PANX2: variants seen among roughly 807,000 people sequenced by gnomAD.
PANX2 encodes pannexin-2.
A neutral mutation model predicts 38.7 loss-of-function variants in PANX2; 30 were observed. The observed-to-expected ratio is 0.78, with a 90% CI of 0.58 to 1.05. The LOEUF (loss-of-function observed/expected upper bound fraction) is 1.05, where lower values mean the gene tolerates loss of function less well. Among genes scored for constraint, PANX2 ranks in the 50% least tolerant of loss-of-function variants. The pLI, the probability that PANX2 is intolerant of heterozygous loss-of-function variation, is 0.00. For synonymous variants in PANX2, 539 were observed against 472.1 expected (o/e 1.14, Z -1.84); for missense variants, 880 against 979.3 (o/e 0.90, Z 1.35).
In PANX2 at chr22:50,177,941, A is replaced by G; in HGVS notation, c.1229A>G (p.Asn410Ser). The part of the protein sequence containing the change: ...SGVQTVDPSA[N>S]PAEPDGAAEP... ...GTGCAGACCGTGGACCCCAGCGCCA[A>G]CCCCGCCGAGCCCGACGGCGCCGCC... The change falls in exon 2 of 3, where the codon AAC (asparagine) becomes AGC (serine). Residue 410 changes from asparagine (N) to serine (S), a missense_variant. This residue lies in a region of PANX2 where 445 missense variants were observed against 404.3 expected (regional missense o/e 1.10). Transcript: ENST00000395842. 1 of 1,530,720 alleles carries G rather than the reference A, an allele frequency of 6.5e-7. No individual in the cohort carries two copies. The highest frequency in any genetic ancestry group is 8.7e-7 in the Non-Finnish European group (1 of 1,143,430). 94.8% of individuals were successfully genotyped at this position (1,530,720 alleles called of 1,614,324 possible). A position where few individuals can be genotyped will look rare whatever the true frequency, so the allele number is the denominator to read the frequency against.
chr22:50,172,558 G>C (rs2063637994), intron 1 of PANX2, among the ~76,000 whole-genome samples: 1 of 151,506 alleles, frequency 6.6e-6, no homozygotes. Flanking sequence ...GCCCCCAGTA[G>C]CAGGGACCAC....
rs777730705 is a variant in PANX2, at chr22:50,177,492, G to T, written c.780G>T (p.Ala260=). ...ATQKQNEFTC[A]LGASPDGAAG... is the part of the protein sequence containing the mutation. ...AGAAGCAGAACGAGTTCACCTGCGC[G>T]CTGGGCGCGTCCCCGGACGGGGCGG... The change falls in exon 2 of 3, where the codon GCG becomes GCT. Residue 260 remains alanine (A), a synonymous_variant. Transcript: ENST00000395842. 8.1e-6 allele frequency: 13 copies of T among 1,609,188 alleles called. No individual in the cohort carries two copies. The South Asian group carries it at 1.1e-4, about 14-fold the overall frequency.
At chr22:50,172,459 T>A (rs2147057872) in intron 1 of PANX2, among the ~76,000 whole-genome samples, 1 of 152,036 alleles carries the variant, frequency 6.6e-6, no homozygotes, top group East Asian at 1.9e-4. Flanking sequence ...TGAGACAGAG[T>A]CTTGGTATGT....
chr22:50,170,794 C>A lies in PANX2; in HGVS notation c.64C>A (p.Arg22=), dbSNP rs866902344. 2.1e-6 allele frequency: 3 copies of A among 1,440,776 alleles called. No homozygotes were observed. The highest frequency in any genetic ancestry group is 2.2e-4 in the Middle Eastern group (1 of 4,604). 89.2% of individuals were successfully genotyped at this position (1,440,776 alleles called of 1,614,324 possible). ...ATALLAGEKL[R]ELILPGAQDD... ...CGCGCTGCTGGCGGGAGAGAAGCTG[C>A]GGGAGCTGATCCTGCCGGGCGCGCA... is the stretch of plus-strand genomic sequence containing the variant. The change falls in exon 1 of 3, where the codon CGG becomes AGG. Residue 22 remains arginine, a synonymous_variant. Coordinates refer to ENST00000395842, the MANE Select transcript of PANX2 (RefSeq NM_052839.4).
rs1434660914 is a variant in PANX2, at chr22:50,171,057, G to T, written c.226+101G>T. 5 of 479,128 alleles carry T rather than the reference G, an allele frequency of 1.0e-5. No homozygotes were observed. The East Asian group carries it at 1.6e-4, about 15-fold the overall frequency. 29.7% of individuals were successfully genotyped at this position (479,128 alleles called of 1,614,324 possible). A position where few individuals can be genotyped will look rare whatever the true frequency, so the allele number is the denominator to read the frequency against. On this transcript the variant is annotated intron_variant, in intron 1 of 2. Transcript: ENST00000395842. ...GTCCCCGGCGGCTCCGTCCAGCCGCGCCCACCGTGGCCTGGCTGCGTCCGC... is the reference window on the plus strand; with the variant it reads ...GTCCCCGGCGGCTCCGTCCAGCCGCTCCCACCGTGGCCTGGCTGCGTCCGC...
In PANX2 at chr22:50,179,644, C is replaced by T; in HGVS notation, c.*367C>T. 1 of 224,510 alleles carries T rather than the reference C, an allele frequency of 4.5e-6. No individual in the cohort carries two copies. The highest frequency in any genetic ancestry group is 1.4e-4 in the East Asian group (1 of 7,098). The allele number at this position is 224,510 out of a possible 1,614,324, so 13.9% of individuals were successfully genotyped here. On this transcript the variant is annotated 3_prime_UTR_variant, in exon 3 of 3. Transcript: ENST00000395842. ...CTGGCCCCGGGCTGTGGCGAGACAG[C>T]CCAACTCCCCCAGCCCAGCTCCCCC...
At position 50,177,808 on chromosome 22, in the gene PANX2, T is replaced by G; in HGVS notation, c.1096T>G (p.Phe366Val). The change falls in exon 2 of 3, where the codon TTC (phenylalanine) becomes GTC (valine). Residue 366 changes from phenylalanine to valine, a missense_variant. Phe to Val is a conservative substitution (Grantham distance 50). Around this residue, in one of 4 missense-constraint regions of PANX2, gnomAD observed 78 missense variants for 133.1 expected, o/e 0.59. Transcript: ENST00000395842. ...CATCAAGTCGCTCAACCGGCTGGAC[T>G]TCATCACCAACGAGAGCGACCTCAT... ...DHIKSLNRLDFITNESDLMYD... is the reference protein window; with the variant it reads ...DHIKSLNRLDVITNESDLMYD... The G allele has an allele frequency of 6.2e-7, 1 of 1,602,384 alleles. No homozygotes were observed. The highest frequency in any genetic ancestry group is 1.1e-5 in the South Asian group (1 of 91,066).
chr22:50,170,918 T>A lies in PANX2; in HGVS notation c.188T>A (p.Ile63Asn), dbSNP rs1323138523. 1.3e-6 allele frequency: 2 copies of A among 1,526,930 alleles called. No homozygotes were observed. Among genetic ancestry groups the A allele is most frequent in the Non-Finnish European group, 8.8e-7 (1 of 1,137,176 alleles). 94.6% of individuals were successfully genotyped at this position (1,526,930 alleles called of 1,614,324 possible). A position where few individuals can be genotyped will look rare whatever the true frequency, so the allele number is the denominator to read the frequency against. Residue 63 changes from isoleucine to asparagine, a missense_variant, in exon 1 of 3, where the codon ATC (isoleucine) becomes AAC (asparagine). By Grantham distance (149) the Ile-to-Asn change is moderately radical. Around this residue, in one of 4 missense-constraint regions of PANX2, gnomAD observed 243 missense variants for 333.1 expected, o/e 0.73. Coordinates refer to ENST00000395842, the MANE Select transcript of PANX2 (RefSeq NM_052839.4). Reference sequence around the variant, plus strand: ...ACCATCGGCACCGTGCTGGTGCCCATCCTGCTGGTCACCCTGGTCTTCACC... The same window carrying A: ...ACCATCGGCACCGTGCTGGTGCCCAACCTGCTGGTCACCCTGGTCTTCACC... ...VVTIGTVLVP[I>N]LLVTLVFTKN...
At chr22:50,173,521 T>G (rs2063645902) in intron 1 of PANX2, among the ~76,000 whole-genome samples, 1 of 152,254 alleles carries the variant, frequency 6.6e-6, no homozygotes, top group African/African-American at 2.4e-5. Flanking sequence ...TGCAGTACCC[T>G]CGAAGGTTGG....
Position 50,177,140 on chromosome 22 carries a change from A to G in PANX2, c.428A>G (p.Glu143Gly), listed in dbSNP as rs1335904296. 1 of 1,607,838 alleles carries G rather than the reference A, an allele frequency of 6.2e-7. No individual in the cohort carries two copies. ...AIMYVPALGW[E>G]FLASTRLTSE... ...ATGTACGTGCCCGCGCTGGGCTGGGAGTTCCTGGCCTCCACGCGCCTCACC... is the reference window on the plus strand; with the variant it reads ...ATGTACGTGCCCGCGCTGGGCTGGGGGTTCCTGGCCTCCACGCGCCTCACC... The change falls in exon 2 of 3, where the codon GAG becomes GGG. Residue 143 changes from glutamate (E) to glycine (G), a missense_variant. Coordinates refer to ENST00000395842, the MANE Select transcript of PANX2 (RefSeq NM_052839.4).
intron 1 of PANX2, among the ~76,000 whole-genome samples, chr22:50,171,464 G>A (rs116160291): frequency 6.6e-6 from 1 of 152,190 alleles, no homozygotes; most frequent in Non-Finnish European, 1.5e-5. Flanking sequence ...GCAGGGCGAG[G>A]CCTCTCCGGG....
chr22:50,178,287 G>A lies in PANX2; in HGVS notation c.1575G>A (p.Lys525=). 3 of 1,517,374 alleles carry A rather than the reference G, an allele frequency of 2.0e-6. No individual in the cohort carries two copies. The highest frequency in any genetic ancestry group is 2.6e-6 in the Non-Finnish European group (3 of 1,136,188). The allele number at this position is 1,517,374 out of a possible 1,614,324, so 94.0% of individuals were successfully genotyped here. A position where few individuals can be genotyped will look rare whatever the true frequency, so the allele number is the denominator to read the frequency against. The change falls in exon 2 of 3, where the codon AAG becomes AAA. Residue 525 remains lysine (K), a synonymous_variant. Transcript: ENST00000395842. ...TGCACCCCTACATCCTCGGCACCAA[G>A]AAGGCCAAGGCCGAGGCGGTGCCCG... The part of the protein sequence containing the change: ...LDVHPYILGT[K]KAKAEAVPAA...
At chr22:50,172,895 AT>A (rs1165494263) in intron 1 of PANX2, among the ~76,000 whole-genome samples, 1,642 of 87,028 alleles carry the variant, frequency 0.019, 34 homozygotes, top group African/African-American at 0.054. Context: ...CGCCTGGCTC[AT>A]TTTTTTTTTT....
intron 1 of PANX2, among the ~76,000 whole-genome samples, chr22:50,176,466 C>G (rs1041320511): frequency 6.6e-6 from 1 of 152,192 alleles, no homozygotes; most frequent in African/African-American, 2.4e-5. Context: ...TGGAAACCAC[C>G]CTGCCAGCTA....
At position 50,178,478 on chromosome 22, in the gene PANX2, A is replaced by T. The variant is rs2063678625; in HGVS notation, c.1690+76A>T. ...GCCCACAGCCACAGCGGCCCACGGG[A>T]GCCTGGCCAGGGCGCTAGGGAAGGG... On this transcript the variant is annotated intron_variant, in intron 2 of 2. Transcript: ENST00000395842. 2.9e-6 allele frequency: 3 copies of T among 1,021,872 alleles called. No homozygotes were observed. The East Asian group carries it at 9.2e-5, about 31-fold the overall frequency. The allele number at this position is 1,021,872 out of a possible 1,614,324, so 63.3% of individuals were successfully genotyped here.
intron 1 of PANX2, among the ~76,000 whole-genome samples, chr22:50,174,345 G>A (rs936706850): frequency 6.6e-6 from 1 of 152,128 alleles, no homozygotes; most frequent in Non-Finnish European, 1.5e-5. Flanking sequence ...GGCAGGACTG[G>A]GGGAGGGCCG....
Position 50,177,849 on chromosome 22 carries a change from C to T in PANX2, c.1137C>T (p.Val379=). The change falls in exon 2 of 3, where the codon GTC becomes GTT. Residue 379 remains valine, a synonymous_variant. Transcript: ENST00000395842. ...NESDLMYDNV[V]RQLLAALAQS... is the part of the protein sequence containing the mutation. ...GCGACCTCATGTACGACAACGTGGT[C>T]CGGCAGCTGCTGGCGGCGCTGGCGC... 6.3e-7 allele frequency: 1 copy of T among 1,588,210 alleles called. No homozygotes were observed. The highest frequency in any genetic ancestry group is 8.5e-7 in the Non-Finnish European group (1 of 1,173,990).
chr22:50,175,437 A>G (rs1317699624), intron 1 of PANX2: 1 of 1,299,288 alleles, frequency 7.7e-7, no homozygotes, highest in Non-Finnish European at 1.0e-6. Context: ...CCCAGGGTGG[A>G]CGCTCTTCTC....
intron 1 of PANX2, among the ~76,000 whole-genome samples, chr22:50,172,989 T>C (rs1369175991): frequency 5.4e-5 from 8 of 147,340 alleles, no homozygotes; most frequent in African/African-American, 1.7e-4. Flanking sequence ...CTTCGCCTCC[T>C]GGGTTCACAC....
Sources: allele counts gnomAD v4.1 joint callset (sites outside exome capture counted in the v4.1 genomes callset), GRCh38; gene constraint gnomAD v4.1.1; regional missense constraint gnomAD v4.1.1; transcripts MANE v1.5; gene names NCBI Gene and HGNC (gene_info 2026-07-23, HGNC 2026-07-21).